The following MGA variants were observed in gnomAD, a reference collection of about 807,000 sequenced individuals.
MGA encodes the protein MAX gene-associated protein.
A neutral mutation model predicts 261.1 loss-of-function variants in MGA; 40 were observed. The ratio of observed to expected loss-of-function variants is 0.15; its 90% confidence interval spans 0.12 to 0.20. The LOEUF (loss-of-function observed/expected upper bound fraction) is 0.20, where lower values mean the gene tolerates loss of function less well. Among genes scored for constraint, MGA ranks in the 10% least tolerant of loss-of-function variants. MGA has a pLI of 1.00. For synonymous variants in MGA, 1,302 were observed against 1,290.6 expected, an observed-to-expected ratio of 1.01 and a Z score of -0.19; for missense variants, 3,397 against 3,630.5, an observed-to-expected ratio of 0.94 and a Z score of 1.65.
intron 5 of MGA, among the ~76,000 whole-genome samples, chr15:41,706,452 A>G (rs2060118332): frequency 6.6e-6 from 1 of 151,874 alleles, no homozygotes; most frequent in Non-Finnish European, 1.5e-5. Flanking sequence ...TATAGGATAC[A>G]TGGGGTTCAT....
intron 1 of MGA, among the ~76,000 whole-genome samples, chr15:41,662,433 T>G (rs1176186960): frequency 6.6e-6 from 1 of 152,186 alleles, no homozygotes; most frequent in Non-Finnish European, 1.5e-5. Context: ...CAGGTGCAAT[T>G]CTGTGCCTTA....
At chr15:41,677,568 A>G (rs1015086037) in intron 2 of MGA, among the ~76,000 whole-genome samples, 18 of 152,212 alleles carry the variant, frequency 1.2e-4, no homozygotes, top group African/African-American at 4.1e-4. Flanking sequence ...TCCCATCAAC[A>G]GTGCACAAGT....
At position 41,765,855 on chromosome 15, in the gene MGA, A is replaced by G. The variant is rs1329880956; in HGVS notation, c.7922-149A>G. ...TTGGGTTAGGTCAATAATTTGAAGA[A>G]CTGATATTTCTTTCATCTTTTTGAT... On this transcript the variant is annotated intron_variant, in intron 23 of 23. Coordinates refer to ENST00000219905, the MANE Select transcript of MGA (RefSeq NM_001164273.2). 3 of 621,418 alleles carry G rather than the reference A, an allele frequency of 4.8e-6. No individual in the cohort carries two copies. In the African/African-American group the frequency reaches 5.5e-5, roughly 11 times the overall value. 38.5% of individuals were successfully genotyped at this position (621,418 alleles called of 1,614,324 possible).
intron 5 of MGA, among the ~76,000 whole-genome samples, chr15:41,706,868 C>T (rs2060144249): frequency 6.6e-6 from 1 of 152,152 alleles, no homozygotes. Flanking sequence ...GCCACCAGCT[C>T]CGGCCAATAA....
Position 41,754,628 on chromosome 15 carries a change from G to A in MGA, c.7139+61G>A. The A allele has an allele frequency of 2.0e-6, 3 of 1,475,426 alleles. No homozygotes were observed. The East Asian group carries it at 7.4e-5, about 36-fold the overall frequency. 91.4% of individuals were successfully genotyped at this position (1,475,426 alleles called of 1,614,324 possible). A position where few individuals can be genotyped will look rare whatever the true frequency, so the allele number is the denominator to read the frequency against. ...AGTTTTGTAACCAGAAACAAAATGA[G>A]ATGTTCTGTTCAGGAGCTCTGGGTA... is the stretch of plus-strand genomic sequence containing the variant. On this transcript the variant is annotated intron_variant, in intron 18 of 23. Transcript: ENST00000219905.
chr15:41,652,920 A>C (rs573874058), intron 1 of MGA, among the ~76,000 whole-genome samples: 1 of 152,336 alleles, frequency 6.6e-6, no homozygotes, highest in South Asian at 2.1e-4. Flanking sequence ...AGAGAACCTC[A>C]AGAATGTAGA....
chr15:41,684,782 T>G (rs2058862437), intron 2 of MGA: 1 of 160,456 alleles, frequency 6.2e-6, no homozygotes, highest in Admixed American at 6.2e-5. Context: ...ATATAGAATG[T>G]CATTTATATG....
rs140218654 is a variant in MGA, at chr15:41,755,700, G to A, written c.7139+1133G>A. Among the ~76,000 whole-genome samples the A allele has an allele frequency of 2.2e-3, 340 of 152,298 alleles. 1 individual carries two copies. Among genetic ancestry groups the A allele is most frequent in the African/African-American group, 7.7e-3 (318 of 41,548 alleles). The stretch of plus-strand genomic sequence containing the variant: ...ATAACCAACACACAGCACAAACACT[G>A]TAAGGGAACAGATTAAAATAAAAAA... On this transcript the variant is annotated intron_variant, in intron 18 of 23. Transcript: ENST00000219905.
intron 19 of MGA, among the ~76,000 whole-genome samples, chr15:41,758,880 A>G (rs8042809): frequency 0.27 from 40,438 of 152,054 alleles, 5,798 homozygotes; most frequent in Middle Eastern, 0.43. Flanking sequence ...GAAACTGCAC[A>G]GGACAGGAAA....
At chr15:41,639,076 C>G (rs1447676579) in intron 1 of MGA, among the ~76,000 whole-genome samples, 4 of 152,120 alleles carry the variant, frequency 2.6e-5, no homozygotes, top group African/African-American at 9.7e-5. Context: ...CAAGTGATCT[C>G]ACATCTCAGC....
chr15:41,724,289 A>G (rs766958701), intron 9 of MGA, among the ~76,000 whole-genome samples: 2 of 152,122 alleles, frequency 1.3e-5, no homozygotes, highest in Non-Finnish European at 2.9e-5. Flanking sequence ...TACACATGCT[A>G]CCTATTTCCT....
At chr15:41,688,354 G>A (rs2059080280) in intron 2 of MGA, among the ~76,000 whole-genome samples, 1 of 152,156 alleles carries the variant, frequency 6.6e-6, no homozygotes, top group Admixed American at 6.5e-5. Flanking sequence ...ATAGACATGA[G>A]CCACCGTGCC....
rs1475361047 is a variant in MGA, at chr15:41,750,397, A to G, written c.6790A>G (p.Ser2264Gly). 7 of 1,613,862 alleles carry G rather than the reference A, an allele frequency of 4.3e-6. No individual in the cohort carries two copies. The East Asian group carries it at 6.7e-5, about 15-fold the overall frequency. ...TGTTCCTAGGAGAGCTGCAAAAAGC[A>G]GCAGAGGGAATGGACATTTTCAGGG... The change falls in exon 17 of 24, where the codon AGC becomes GGC. Residue 2264 changes from serine to glycine, a missense_variant. By Grantham distance (56) the Ser-to-Gly change is moderately conservative (BLOSUM62 0). This residue lies in a region of MGA where 1,410 missense variants were observed against 1,386.4 expected (regional missense o/e 1.02). Coordinates refer to ENST00000219905, the MANE Select transcript of MGA (RefSeq NM_001164273.2).
intron 15 of MGA, 144 bp downstream of exon 15, chr15:41,743,316 T>A: frequency 9.5e-7 from 1 of 1,057,360 alleles, no homozygotes; most frequent in South Asian, 1.8e-5. Context: ...TGAAAACCTC[T>A]GCATGCTGCA....
intron 18 of MGA, among the ~76,000 whole-genome samples, chr15:41,755,681 AAC>A (rs2063109742): frequency 6.6e-6 from 1 of 152,272 alleles, no homozygotes; most frequent in African/African-American, 2.4e-5. Context: ...AAGAATAACC[AAC>A]ACACAGCACA....
At chr15:41,659,434 G>A (rs2057285064), upstream of MGA, among the ~76,000 whole-genome samples, 1 of 152,118 alleles carries the variant, frequency 6.6e-6, no homozygotes, top group African/African-American at 2.4e-5. Flanking sequence ...AGGCAGTTTT[G>A]GATCATTGAC....
intron 2 of MGA, among the ~76,000 whole-genome samples, chr15:41,676,375 G>A (rs1219370597): frequency 6.6e-6 from 1 of 152,190 alleles, no homozygotes; most frequent in Non-Finnish European, 1.5e-5. Flanking sequence ...TCACTACGTT[G>A]GCCAGGCCGG....
chr15:41,669,527 G>A lies in MGA; in HGVS notation c.633G>A (p.Lys211=). The change falls in exon 2 of 24, where the codon AAG becomes AAA. Residue 211 remains lysine, a synonymous_variant. Coordinates refer to ENST00000219905, the MANE Select transcript of MGA (RefSeq NM_001164273.2). ...GGCTTCATTTGGTGCCTGCAGAAAAGGCTGTGGAGGTGATACAATTAAATG... is the reference window on the plus strand; with the variant it reads ...GGCTTCATTTGGTGCCTGCAGAAAAAGCTGTGGAGGTGATACAATTAAATG... 6.2e-7 allele frequency: 1 copy of A among 1,614,028 alleles called. No homozygotes were observed. Among genetic ancestry groups the A allele is most frequent in the Non-Finnish European group, 8.5e-7 (1 of 1,179,910 alleles).
intron 5 of MGA, among the ~76,000 whole-genome samples, chr15:41,703,336 T>C (rs2059942319): frequency 6.9e-6 from 1 of 145,408 alleles, no homozygotes; most frequent in Non-Finnish European, 1.5e-5. Context: ...ATCACCTGGC[T>C]AAGATATTGT....
Sources: allele counts gnomAD v4.1 joint callset (sites outside exome capture counted in the v4.1 genomes callset), GRCh38; gene constraint gnomAD v4.1.1; regional missense constraint gnomAD v4.1.1; transcripts MANE v1.5; gene names NCBI Gene and HGNC (gene_info 2026-07-23, HGNC 2026-07-21).